Variants in C16orf74 observed in about 807,000 individuals in gnomAD.
The protein encoded by C16orf74 is uncharacterized protein C16orf74.
In C16orf74, 10 loss-of-function variants were observed where a neutral mutation model predicts 6.5. That is an observed-to-expected ratio of 1.54 (90% CI 0.95 to 2.61). C16orf74 has a LOEUF of 2.61. Ranked by LOEUF, C16orf74 falls within the 30% of genes most tolerant of loss-of-function variation. The pLI is 0.00. For missense variants in C16orf74, 141 were observed against 105.9 expected, an observed-to-expected ratio of 1.33 and a Z score of -1.45; for synonymous variants, 60 against 42.5, an observed-to-expected ratio of 1.41 and a Z score of -1.60.
At chr16:85,735,332 A>G (rs986116217) in intron 1 of C16orf74, 97 bp from the exon 2 acceptor site, 1 of 705,050 alleles carries the variant, frequency 1.4e-6, no homozygotes, top group Non-Finnish European at 2.2e-6. Context: ...GATGAGTGCA[A>G]AACAGGAGGT....
In C16orf74 at chr16:85,723,747, G is replaced by A. The variant is rs117154685; in HGVS notation, c.28+11443C>T. On this transcript the variant is annotated intron_variant, in intron 2 of 3. Coordinates refer to ENST00000284245, the MANE Select transcript of C16orf74 (RefSeq NM_206967.3). ...AGGGTGGTGGGGCGTGCACGTAGCC[G>A]TGCTGTGCAGCTGTGGGAAAGGGTG... 2.6e-3 allele frequency among the ~76,000 whole-genome samples: 398 copies of A among 152,360 alleles called. 10 individuals are homozygous for A. In the East Asian group the frequency reaches 0.063, roughly 24 times the overall value.
chr16:85,735,299 G>C (rs2054232246), intron 1 of C16orf74, 64 bp from the exon 2 acceptor site: 1 of 1,273,624 alleles, frequency 7.9e-7, no homozygotes, highest in South Asian at 1.5e-5. Flanking sequence ...GCCACGTGCA[G>C]CCGGGCCCCC....
chr16:85,730,001 C>A (rs1355172633), intron 2 of C16orf74, among the ~76,000 whole-genome samples: 1 of 152,214 alleles, frequency 6.6e-6, no homozygotes, highest in Admixed American at 6.5e-5. Flanking sequence ...TGGGCAGATC[C>A]CATCCCAGCC....
chr16:85,720,998 C>T (rs918162345), intron 2 of C16orf74, among the ~76,000 whole-genome samples: 8 of 151,802 alleles, frequency 5.3e-5, no homozygotes, highest in Admixed American at 1.3e-4. Flanking sequence ...GGCTGAGGCA[C>T]GAGAATCACT....
At chr16:85,737,672 A>G (rs1396976966) in intron 1 of C16orf74, among the ~76,000 whole-genome samples, 1 of 152,212 alleles carries the variant, frequency 6.6e-6, no homozygotes, top group African/African-American at 2.4e-5. Flanking sequence ...GCTACTAAAA[A>G]TACAAAAAAT....
intron 2 of C16orf74, among the ~76,000 whole-genome samples, chr16:85,724,696 G>C (rs1305544015): frequency 6.6e-6 from 1 of 152,152 alleles, no homozygotes; most frequent in Non-Finnish European, 1.5e-5. Context: ...GGGGATGACA[G>C]GGCAGCCACC....
At chr16:85,715,252 G>A (rs954124920) in intron 2 of C16orf74, among the ~76,000 whole-genome samples, 4 of 151,824 alleles carry the variant, frequency 2.6e-5, no homozygotes, top group East Asian at 1.9e-4. Context: ...GGAGAGAGGC[G>A]CCCCTACCCC....
At chr16:85,744,840 A>AC (rs1186567254) in intron 1 of C16orf74, among the ~76,000 whole-genome samples, 7 of 127,970 alleles carry the variant, frequency 5.5e-5, no homozygotes, top group Non-Finnish European at 1.1e-4. Flanking sequence ...AAAAAAAAAA[A>AC]AAAAAAAAAA....
chr16:85,713,250 T>G (rs919556093), intron 2 of C16orf74, among the ~76,000 whole-genome samples: 1 of 152,032 alleles, frequency 6.6e-6, no homozygotes, highest in African/African-American at 2.4e-5. Context: ...GTATTCTCCC[T>G]GCGTCTTGTC....
intron 2 of C16orf74, among the ~76,000 whole-genome samples, chr16:85,733,766 C>G (rs530296626): frequency 6.6e-6 from 1 of 152,258 alleles, no homozygotes; most frequent in East Asian, 1.9e-4. Flanking sequence ...AGCCTGGAGT[C>G]TCAGAGGAAG....
At chr16:85,724,185 C>A (rs2054110200) in intron 2 of C16orf74, among the ~76,000 whole-genome samples, 1 of 152,150 alleles carries the variant, frequency 6.6e-6, no homozygotes, top group Non-Finnish European at 1.5e-5. Context: ...TGCCACTGCA[C>A]CTGGCCCGCT....
At chr16:85,723,704 A>T (rs775100130) in intron 2 of C16orf74, among the ~76,000 whole-genome samples, 1 of 152,216 alleles carries the variant, frequency 6.6e-6, no homozygotes. Flanking sequence ...TGGGCAAGGC[A>T]GGCCGGATTT....
At chr16:85,747,581 G>A (rs2054388345) in intron 1 of C16orf74, among the ~76,000 whole-genome samples, 2 of 152,116 alleles carry the variant, frequency 1.3e-5, no homozygotes, top group Non-Finnish European at 2.9e-5. Flanking sequence ...TTGACCTGGT[G>A]CACACTTTTG....
intron 2 of C16orf74, among the ~76,000 whole-genome samples, chr16:85,716,889 G>T (rs2152058978): frequency 6.6e-6 from 1 of 152,318 alleles, no homozygotes; most frequent in African/African-American, 2.4e-5. Context: ...GCTCATTTGT[G>T]CTAAGGCCAG....
intron 1 of C16orf74, among the ~76,000 whole-genome samples, chr16:85,742,801 A>G (rs1013931594): frequency 6.6e-6 from 1 of 152,148 alleles, no homozygotes; most frequent in African/African-American, 2.4e-5. Context: ...TCAGCCTCCC[A>G]AAGTGCTGGG....
intron 1 of C16orf74, 57 bp downstream of exon 1, chr16:85,750,869 C>T (rs1232059587): frequency 6.6e-6 from 1 of 151,904 alleles, no homozygotes; most frequent in Non-Finnish European, 1.5e-5. Flanking sequence ...CCGCGTTGCT[C>T]GGGGAAGGCG....
At chr16:85,726,186 G>A (rs900245624) in intron 2 of C16orf74, among the ~76,000 whole-genome samples, 1 of 151,854 alleles carries the variant, frequency 6.6e-6, no homozygotes, top group African/African-American at 2.4e-5. Flanking sequence ...CACTCACCAC[G>A]AAATCCAGCC....
chr16:85,744,247 A>AAG (rs2054344928), intron 1 of C16orf74: 1 of 144,878 alleles, frequency 6.9e-6, no homozygotes. Context: ...AAAAAAAAAA[A>AAG]GAAAAGAAAA....
intron 2 of C16orf74, among the ~76,000 whole-genome samples, chr16:85,730,986 A>G (rs1035426030): frequency 6.6e-6 from 1 of 152,216 alleles, no homozygotes; most frequent in African/African-American, 2.4e-5. Context: ...AAACATATTA[A>G]AAGTAATCGT....
Sources: allele counts gnomAD v4.1 joint callset (sites outside exome capture counted in the v4.1 genomes callset), GRCh38; gene constraint gnomAD v4.1.1; transcripts MANE v1.5; gene names NCBI Gene and HGNC (gene_info 2026-07-23, HGNC 2026-07-21).